NLGN1: variants seen among roughly 807,000 people sequenced by gnomAD.
NLGN1 encodes the protein neuroligin 1.
A neutral mutation model predicts 65.5 loss-of-function variants in NLGN1; 12 were observed. The ratio of observed to expected loss-of-function variants is 0.18; its 90% CI spans 0.12 to 0.30. The LOEUF (loss-of-function observed/expected upper bound fraction) is 0.30, where lower values mean the gene tolerates loss of function less well. NLGN1 is among the 10% of genes least tolerant of loss of function. NLGN1 has a pLI of 1.00. For synonymous variants in NLGN1, 350 were observed against 359.5 expected (o/e 0.97, Z 0.30); for missense variants, 750 against 1,007.1 (o/e 0.74, Z 3.46).
At chr3:173,777,785 C>A (rs1382837710) in intron 3 of NLGN1, among the ~76,000 whole-genome samples, 1 of 151,712 alleles carries the variant, frequency 6.6e-6, no homozygotes, top group Non-Finnish European at 1.5e-5. Flanking sequence ...CAGATATATC[C>A]TTGAAATGTC....
At position 173,913,295 on chromosome 3, in the gene NLGN1, G is replaced by A. The variant is rs151239200; in HGVS notation, c.646+105463G>A. On this transcript the variant is annotated intron_variant, in intron 4 of 6. Coordinates refer to ENST00000457714, the Ensembl canonical transcript of NLGN1. ...TTTGCAAGATTGATTAAAAGGTGTG[G>A]TTCGCCTTTGGAATGCATTTGTGTT... is the stretch of plus-strand genomic sequence containing the variant. Among the ~76,000 whole-genome samples the A allele has an allele frequency of 3.9e-3, 590 of 152,252 alleles. 3 individuals carry two copies. Among genetic ancestry groups the A allele is most frequent in the African/African-American group, 0.013 (552 of 41,552 alleles).
At chr3:173,669,010 A>C (rs895534063) in intron 3 of NLGN1, among the ~76,000 whole-genome samples, 1 of 152,210 alleles carries the variant, frequency 6.6e-6, no homozygotes, top group South Asian at 2.1e-4. Context: ...ACCCCCATGC[A>C]TAGTCCATAG....
chr3:173,419,833 C>T (rs951227394), intron 1 of NLGN1, among the ~76,000 whole-genome samples: 3 of 151,652 alleles, frequency 2.0e-5, no homozygotes, highest in Non-Finnish European at 2.9e-5. Context: ...ATTAGCTGGG[C>T]GTGGTAGTGT....
At chr3:173,427,978 A>AT (rs1426966475) in intron 1 of NLGN1, among the ~76,000 whole-genome samples, 1 of 150,774 alleles carries the variant, frequency 6.6e-6, no homozygotes, top group Non-Finnish European at 1.5e-5. Flanking sequence ...TGCTTTATAT[A>AT]TTTTTGTGAT....
chr3:174,009,376 A>G lies in NLGN1; in HGVS notation c.646+201544A>G, dbSNP rs1172958923. On this transcript the variant is annotated intron_variant, in intron 4 of 6. Coordinates refer to ENST00000457714, the Ensembl canonical transcript of NLGN1. ...TCAGGTCATAGGAAGTATTAATGAA[A>G]ATATCTAACAGCAATTGAGTGTTTA... Among the ~76,000 whole-genome samples the G allele has an allele frequency of 2.6e-5, 4 of 152,302 alleles. No individual in the cohort carries two copies. In the East Asian group the frequency reaches 7.7e-4, roughly 29 times the overall value.
intron 4 of NLGN1, among the ~76,000 whole-genome samples, chr3:174,110,446 A>C (rs1714939267): frequency 6.6e-6 from 1 of 152,012 alleles, no homozygotes; most frequent in Non-Finnish European, 1.5e-5. Context: ...CATCCAGAAA[A>C]AGCGTAAAAC....
At chr3:173,781,255 AGTTTAT>A (rs1227518077) in intron 3 of NLGN1, among the ~76,000 whole-genome samples, 1 of 152,102 alleles carries the variant, frequency 6.6e-6, no homozygotes, top group African/African-American at 2.4e-5. Flanking sequence ...CATTTAAAAT[AGTTTAT>A]TGGATATCCT....
chr3:174,043,316 A>C (rs577215541), intron 4 of NLGN1, among the ~76,000 whole-genome samples: 1 of 152,188 alleles, frequency 6.6e-6, no homozygotes, highest in Non-Finnish European at 1.5e-5. Context: ...CACTTCCAAC[A>C]GTCCCTCAAA....
At position 174,044,303 on chromosome 3, in the gene NLGN1, C is replaced by T. The variant is rs191433150; in HGVS notation, c.647-231012C>T. On this transcript the variant is annotated intron_variant, in intron 4 of 6. Coordinates refer to ENST00000457714, the Ensembl canonical transcript of NLGN1. ...TTAACATTTGGTCCCTCATTACTTACGCAAATTTCTCCAGCCAGCTTGAAT... is the reference window on the plus strand; with the variant it reads ...TTAACATTTGGTCCCTCATTACTTATGCAAATTTCTCCAGCCAGCTTGAAT... Among the ~76,000 whole-genome samples, 112 of 152,310 alleles carry T rather than the reference C, an allele frequency of 7.4e-4. 1 individual carries two copies. The highest frequency in any genetic ancestry group is 2.7e-3 in the South Asian group (13 of 4,820).
intron 2 of NLGN1, among the ~76,000 whole-genome samples, chr3:173,519,363 T>C (rs1341125826): frequency 6.6e-6 from 1 of 152,192 alleles, no homozygotes; most frequent in Non-Finnish European, 1.5e-5. Context: ...CTATCCTCCA[T>C]ACTCCAGAAT....
intron 2 of NLGN1, among the ~76,000 whole-genome samples, chr3:173,542,980 A>C (rs770952302): frequency 1.2e-4 from 19 of 152,022 alleles, no homozygotes; most frequent in Non-Finnish European, 2.5e-4. Context: ...CCATGTCTTC[A>C]ACTTTTATTT....
chr3:174,074,758 A>C (rs1386424110), intron 4 of NLGN1, among the ~76,000 whole-genome samples: 2 of 152,166 alleles, frequency 1.3e-5, no homozygotes, highest in Non-Finnish European at 2.9e-5. Flanking sequence ...TTAGCGTGTA[A>C]GGGGCACATC....
Position 174,275,219 on chromosome 3 carries a change from C to T in NLGN1, c.647-96C>T. On this transcript the variant is annotated intron_variant, in intron 4 of 6. Coordinates refer to ENST00000457714, the Ensembl canonical transcript of NLGN1. ...TTTTACTAATGAACTTGGACTGTCC[C>T]TACCTTGATTAATACAGGCTTCATT... 3 of 877,390 alleles carry T rather than the reference C, an allele frequency of 3.4e-6. No individual in the cohort carries two copies. In the East Asian group the frequency reaches 7.4e-5, roughly 22 times the overall value. 54.4% of individuals were successfully genotyped at this position (877,390 alleles called of 1,614,324 possible).
rs192867586 is a variant in NLGN1 at position 173,861,937 on chromosome 3, G to A, written c.646+54105G>A. 4.2e-4 allele frequency among the ~76,000 whole-genome samples: 64 copies of A among 151,338 alleles called. 1 individual carries two copies. In the East Asian group the frequency reaches 8.8e-3, roughly 21 times the overall value. On this transcript the variant is annotated intron_variant, in intron 4 of 6. Transcript: ENST00000457714. ...CCACACCCAACTAATTTTTGTGTGT[G>A]TGTGTATTTTTAGTAGAGACGAGGT...
rs61122760 is a variant in NLGN1, at chr3:174,129,354, A to AACACACACACAC, written c.647-145926_647-145915dup. Among the ~76,000 whole-genome samples the AACACACACACAC allele has an allele frequency of 1.2e-3, 141 of 116,834 alleles. 1 individual carries two copies. Among genetic ancestry groups the AACACACACACAC allele is most frequent in the Non-Finnish European group, 2.1e-3 (118 of 57,224 alleles). The allele number at this position is 116,834 out of a possible 152,430, so 76.6% of individuals were successfully genotyped here. On this transcript the variant is annotated intron_variant, in intron 4 of 6. Coordinates refer to ENST00000457714, the Ensembl canonical transcript of NLGN1. The stretch of plus-strand genomic sequence containing the variant: ...CTATCTCCCCCCACCCCCGGTTTAC[A>AACACACACACAC]ACACACACACACACACACACACACA...
Position 174,279,258 on chromosome 3 carries a change from T to C in NLGN1, c.1257T>C (p.Val419=), listed in dbSNP as rs1364090010. The change falls in exon 6 of 7, where the codon GTT becomes GTC. Residue 419 remains valine, a synonymous_variant. Transcript: ENST00000457714. This position sits in a 1 kb window ranked among gnomAD's most constrained non-coding sequence, Gnocchi z 4.7. Reference sequence around the variant, plus strand: ...TTGACTTTGCTGTTTCAAATTTTGTTGATAATTTATATGGATATCCTGAAG... The same window carrying C: ...TTGACTTTGCTGTTTCAAATTTTGTCGATAATTTATATGGATATCCTGAAG... The C allele has an allele frequency of 1.9e-6, 3 of 1,613,382 alleles. No homozygotes were observed. In the South Asian group the frequency reaches 3.3e-5, roughly 18 times the overall value.
At chr3:173,802,433 C>T (rs1194043159) in intron 3 of NLGN1, among the ~76,000 whole-genome samples, 3 of 152,148 alleles carry the variant, frequency 2.0e-5, no homozygotes, top group Non-Finnish European at 2.9e-5. Flanking sequence ...AATTCCAGTT[C>T]GGTCTCTTCC....
intron 4 of NLGN1, among the ~76,000 whole-genome samples, chr3:174,158,883 C>T (rs1267029482): frequency 2.0e-5 from 3 of 151,214 alleles, no homozygotes; most frequent in Admixed American, 1.3e-4. Flanking sequence ...TAGGCCTTTC[C>T]CTTCACTTTC....
chr3:173,926,251 C>G (rs962466923), intron 4 of NLGN1, among the ~76,000 whole-genome samples: 1 of 151,832 alleles, frequency 6.6e-6, no homozygotes, highest in Non-Finnish European at 1.5e-5. Flanking sequence ...CTCTTAAGGA[C>G]TATTAAAAGA....
Sources: allele counts gnomAD v4.1 joint callset (sites outside exome capture counted in the v4.1 genomes callset), GRCh38; gene constraint gnomAD v4.1.1; non-coding constraint Gnocchi (gnomAD v3.1); transcripts MANE v1.5; gene names NCBI Gene and HGNC (gene_info 2026-07-23, HGNC 2026-07-21).